Variants in BRF1 observed in about 807,000 individuals in gnomAD.
The protein encoded by BRF1 is BRF1 general transcription factor IIIB subunit.
In BRF1, 59 loss-of-function variants were observed where a neutral mutation model predicts 81.7. The observed-to-expected ratio is 0.72, with a 90% CI of 0.59 to 0.90. The LOEUF (loss-of-function observed/expected upper bound fraction) is 0.90. Among genes scored for constraint, BRF1 ranks in the 40% least tolerant of loss-of-function variants. BRF1 has a pLI of 0.00. For synonymous variants in BRF1, 491 were observed against 395.6 expected (o/e 1.24, Z -2.86); for missense variants, 1,050 against 936.3 (o/e 1.12, Z -1.58).
At chr14:105,242,399 A>G (rs866102421) in intron 5 of BRF1, 8 of 152,202 alleles carry the variant, frequency 5.3e-5, no homozygotes, top group Non-Finnish European at 8.8e-5. Context: ...ATGATTTTCA[A>G]TAAGATACAA....
chr14:105,298,354 C>T (rs987022187), intron 1 of BRF1, among the ~76,000 whole-genome samples: 26 of 152,266 alleles, frequency 1.7e-4, no homozygotes, highest in Middle Eastern at 6.8e-3. Context: ...AGTAAAAAAG[C>T]GTGTGATGCT....
chr14:105,228,937 C>G (rs368311810), intron 6 of BRF1, 24 bp from the exon 7 acceptor site: 3 of 1,609,898 alleles, frequency 1.9e-6, no homozygotes, highest in Admixed American at 3.3e-5. Flanking sequence ...AGACGGGCCT[C>G]GTCAACCACG....
At chr14:105,311,483 G>C (rs1250719826) in intron 1 of BRF1, among the ~76,000 whole-genome samples, 1 of 152,146 alleles carries the variant, frequency 6.6e-6, no homozygotes, top group East Asian at 1.9e-4. Flanking sequence ...TTGAACTCCT[G>C]AGGTCACGGG....
intron 3 of BRF1, among the ~76,000 whole-genome samples, chr14:105,262,929 A>AC (rs1314353899): frequency 2.0e-5 from 3 of 148,786 alleles, no homozygotes; most frequent in East Asian, 2.0e-4. Flanking sequence ...ACATAGCAAG[A>AC]CCCCATCTCC....
chr14:105,268,129 G>A (rs1242126566), intron 3 of BRF1, among the ~76,000 whole-genome samples: 1 of 152,288 alleles, frequency 6.6e-6, no homozygotes, highest in Non-Finnish European at 1.5e-5. Flanking sequence ...CCTCTCACAT[G>A]CAGGCCTAGG....
intron 5 of BRF1, among the ~76,000 whole-genome samples, chr14:105,252,178 G>T (rs2055653899): frequency 1.3e-5 from 2 of 152,172 alleles, no homozygotes; most frequent in Non-Finnish European, 1.5e-5. Flanking sequence ...TGGTTTTGCA[G>T]CAGAAAGCAA....
upstream of BRF1, among the ~76,000 whole-genome samples, chr14:105,305,023 C>A (rs2058145812): frequency 6.6e-6 from 1 of 152,202 alleles, no homozygotes; most frequent in Admixed American, 6.5e-5. Context: ...GTCCTTGCCC[C>A]AAGGCGATGG....
At chr14:105,304,435 G>T (rs2058121179), upstream of BRF1, among the ~76,000 whole-genome samples, 1 of 152,098 alleles carries the variant, frequency 6.6e-6, no homozygotes. Context: ...TTGTGGTGAG[G>T]CGAGATGGCG....
At chr14:105,216,053 GAC>G (rs1290729465) in intron 15 of BRF1, among the ~76,000 whole-genome samples, 15 of 138,036 alleles carry the variant, frequency 1.1e-4, no homozygotes, top group East Asian at 2.4e-4. Context: ...TGCGTACACA[GAC>G]ACAGGCACAC....
intron 2 of BRF1, among the ~76,000 whole-genome samples, chr14:105,278,270 T>C (rs115685890): frequency 0.014 from 2,191 of 151,664 alleles, 48 homozygotes; most frequent in African/African-American, 0.051. Flanking sequence ...CTGGGCAACA[T>C]AGTGAGATCC....
intron 10 of BRF1, among the ~76,000 whole-genome samples, chr14:105,225,846 C>G (rs1431860414): frequency 1.3e-5 from 2 of 152,154 alleles, no homozygotes; most frequent in African/African-American, 4.8e-5. Context: ...CAGGGTTTCA[C>G]CATGTTGGCC....
intron 1 of BRF1, among the ~76,000 whole-genome samples, chr14:105,289,682 C>G (rs888338900): frequency 1.3e-5 from 2 of 152,180 alleles, no homozygotes; most frequent in Non-Finnish European, 2.9e-5. Context: ...ATCGCCCAGG[C>G]TGGAGTGTAG....
At chr14:105,285,792 G>C in intron 2 of BRF1, among the ~76,000 whole-genome samples, 1 of 151,896 alleles carries the variant, frequency 6.6e-6, no homozygotes, top group African/African-American at 2.4e-5. Flanking sequence ...TAAAAGACTT[G>C]TACCTAAAAC....
At chr14:105,287,936 G>A (rs1323244077) in intron 1 of BRF1, among the ~76,000 whole-genome samples, 1 of 152,234 alleles carries the variant, frequency 6.6e-6, no homozygotes, top group Non-Finnish European at 1.5e-5. Flanking sequence ...CAAAGCCCGG[G>A]CCTCCTTCAG....
Position 105,286,504 on chromosome 14 carries a change from G to A in BRF1, c.185-128C>T, listed in dbSNP as rs144048329. The A allele has an allele frequency of 9.7e-4, 900 of 929,202 alleles. 6 individuals are homozygous for A. Among genetic ancestry groups the A allele is most frequent in the Admixed American group, 7.5e-4 (37 of 49,418 alleles). The allele number at this position is 929,202 out of a possible 1,614,324, so 57.6% of individuals were successfully genotyped here. A position where few individuals can be genotyped will look rare whatever the true frequency, so the allele number is the denominator to read the frequency against. ...GCACTCATGGGGGAAGCAGCAGGTC[G>A]GCCCCCCGCACCTCCGTCACTGAGC... is the stretch of plus-strand genomic sequence containing the variant. On this transcript the variant is annotated intron_variant, in intron 1 of 17. Coordinates refer to ENST00000547530, the MANE Select transcript of BRF1 (RefSeq NM_001519.4).
chr14:105,300,535 A>T lies in BRF1; in HGVS notation c.95T>A (p.Leu32Gln). The change falls in exon 1 of 18, where the codon CTG (leucine) becomes CAG (glutamine). Residue 32 changes from leucine to glutamine, a missense_variant. By Grantham distance (113) the Leu-to-Gln change is moderately radical. Coordinates refer to ENST00000547530, the MANE Select transcript of BRF1 (RefSeq NM_001519.4). ...CTCGGACACGATGATGTTGTCCTCC[A>T]GCACTGAGCCGCAGGCGGTGCACAC... ...DAVCTACGSV[L>Q]EDNIIVSEVQ... 6.5e-7 allele frequency: 1 copy of T among 1,529,280 alleles called. No homozygotes were observed. The highest frequency in any genetic ancestry group is 1.2e-5 in the South Asian group (1 of 82,056). The allele number at this position is 1,529,280 out of a possible 1,614,324, so 94.7% of individuals were successfully genotyped here.
rs1329323959 is a variant in BRF1, at chr14:105,209,642, C to T, written c.*909G>A. ...AGGCTCTCGGGCCTCCGTCTGCCCT[C>T]CCTCCTCGATGGGGGGCCTGATCCA... On this transcript the variant is annotated 3_prime_UTR_variant, in exon 18 of 18. Transcript: ENST00000547530. 2 of 689,738 alleles carry T rather than the reference C, an allele frequency of 2.9e-6. No homozygotes were observed. Among genetic ancestry groups the T allele is most frequent in the Admixed American group, 4.1e-5 (2 of 48,718 alleles). The allele number at this position is 689,738 out of a possible 1,614,324, so 42.7% of individuals were successfully genotyped here.
Position 105,210,661 on chromosome 14 carries a change from G to A in BRF1, c.1997-73C>T. 4 of 1,530,198 alleles carry A rather than the reference G, an allele frequency of 2.6e-6. No individual in the cohort carries two copies. The highest frequency in any genetic ancestry group is 3.6e-6 in the Non-Finnish European group (4 of 1,123,866). 94.8% of individuals were successfully genotyped at this position (1,530,198 alleles called of 1,614,324 possible). On this transcript the variant is annotated intron_variant, in intron 17 of 17. Transcript: ENST00000547530. This position sits in a 1 kb window ranked among gnomAD's most constrained non-coding sequence, Gnocchi z 4.7. ...GAGCCCAGACCCCCCAACCCGCCCTGTTCCTGGTGCCCCCCTAGAAGACTC... is the reference window on the plus strand; with the variant it reads ...GAGCCCAGACCCCCCAACCCGCCCTATTCCTGGTGCCCCCCTAGAAGACTC...
intron 10 of BRF1, among the ~76,000 whole-genome samples, chr14:105,222,812 A>T (rs950339336): frequency 5.9e-5 from 9 of 151,964 alleles, no homozygotes; most frequent in Non-Finnish European, 1.2e-4. Flanking sequence ...GTATTTTTAG[A>T]AGAGACGGGG....
Sources: allele counts gnomAD v4.1 joint callset (sites outside exome capture counted in the v4.1 genomes callset), GRCh38; gene constraint gnomAD v4.1.1; non-coding constraint Gnocchi (gnomAD v3.1); transcripts MANE v1.5; gene names NCBI Gene and HGNC (gene_info 2026-07-23, HGNC 2026-07-21).